Variants in LAMC2 observed in about 807,000 individuals in gnomAD.
The protein encoded by LAMC2 is laminin subunit gamma 2.
A neutral mutation model predicts 140.2 loss-of-function variants in LAMC2; 97 were observed. The observed-to-expected ratio is 0.69, with a 90% confidence interval of 0.59 to 0.82. The LOEUF (loss-of-function observed/expected upper bound fraction) is 0.82, where lower values mean the gene tolerates loss of function less well. Ranked by LOEUF, LAMC2 falls within the 40% of genes least tolerant of loss-of-function variation. The pLI is 0.00. For synonymous variants in LAMC2, 513 were observed against 540.2 expected (o/e 0.95, Z 0.70); for missense variants, 1,402 against 1,476.1 (o/e 0.95, Z 0.82).
intron 1 of LAMC2, among the ~76,000 whole-genome samples, chr1:183,191,024 C>A (rs1296193687): frequency 6.6e-6 from 1 of 152,112 alleles, no homozygotes; most frequent in Non-Finnish European, 1.5e-5. Context: ...AGAAATGCAC[C>A]ATTATGAGAA....
At chr1:183,246,729 A>C (rs1660250291), downstream of LAMC2, among the ~76,000 whole-genome samples, 2 of 152,222 alleles carry the variant, frequency 1.3e-5, no homozygotes, top group South Asian at 2.1e-4. Flanking sequence ...AACAAGTCTC[A>C]AGGACCAGGA....
At chr1:183,233,311 G>A (rs1368509834) in intron 14 of LAMC2, among the ~76,000 whole-genome samples, 1 of 152,058 alleles carries the variant, frequency 6.6e-6, no homozygotes, top group African/African-American at 2.4e-5. Flanking sequence ...AAGGGACAGA[G>A]GGAAAGAAGA....
intron 3 of LAMC2, 105 bp downstream of exon 3, chr1:183,215,693 C>T: frequency 7.3e-7 from 1 of 1,366,038 alleles, no homozygotes; most frequent in Admixed American, 1.7e-5. Context: ...GTGCCAAACA[C>T]TGCTTTGAGA....
chr1:183,239,705 T>C, intron 20 of LAMC2, 142 bp downstream of exon 20: 1 of 733,092 alleles, frequency 1.4e-6, no homozygotes, highest in Non-Finnish European at 2.3e-6. Flanking sequence ...ATTAAAAGAC[T>C]ATGGTAGCAA....
intron 1 of LAMC2, among the ~76,000 whole-genome samples, chr1:183,203,485 C>G (rs1024536202): frequency 6.6e-6 from 1 of 151,938 alleles, no homozygotes; most frequent in East Asian, 1.9e-4. Context: ...CCCCCGCCCC[C>G]CCTCACCCCT....
chr1:183,258,132 A>G, the LAMC2 span, among the ~76,000 whole-genome samples: 2 of 152,222 alleles, frequency 1.3e-5, no homozygotes, highest in Non-Finnish European at 2.9e-5. Flanking sequence ...AGAGGCACCA[A>G]CAGGTATAAA....
chr1:183,217,257 G>A (rs774973829), intron 3 of LAMC2, among the ~76,000 whole-genome samples: 4 of 152,124 alleles, frequency 2.6e-5, no homozygotes, highest in African/African-American at 2.4e-5. Context: ...ACATGATTGC[G>A]TGCAAAGTGG....
At chr1:183,226,573 G>A (rs1659631585) in intron 8 of LAMC2, 125 bp from the exon 9 acceptor site, 2 of 829,666 alleles carry the variant, frequency 2.4e-6, no homozygotes, top group African/African-American at 3.3e-5. Flanking sequence ...TCTCTACATG[G>A]CATGATATAT....
chr1:183,255,917 G>T, the LAMC2 span, among the ~76,000 whole-genome samples: 1 of 151,822 alleles, frequency 6.6e-6, no homozygotes, highest in South Asian at 2.1e-4. Context: ...ACCTGCCTCC[G>T]CCTCCCAAAG....
intron 5 of LAMC2, 80 bp from the exon 6 acceptor site, chr1:183,222,009 C>A: frequency 6.3e-7 from 1 of 1,579,022 alleles, no homozygotes; most frequent in South Asian, 1.1e-5. Flanking sequence ...TAGGACTTGT[C>A]GGCAAGCAAA....
chr1:183,225,489 C>T, intron 7 of LAMC2, 119 bp from the exon 8 acceptor site: 1 of 763,280 alleles, frequency 1.3e-6, no homozygotes, highest in Admixed American at 1.8e-5. Flanking sequence ...GTCCTATGCC[C>T]CCTTCTAAGC....
intron 22 of LAMC2, 127 bp from the exon 23 acceptor site, chr1:183,243,020 C>T: frequency 1.0e-6 from 1 of 991,818 alleles, no homozygotes. Flanking sequence ...CTTTAAAATT[C>T]ATGGTATACT....
At chr1:183,256,557 C>A in the LAMC2 span, among the ~76,000 whole-genome samples, 1 of 152,156 alleles carries the variant, frequency 6.6e-6, no homozygotes, top group Non-Finnish European at 1.5e-5. Flanking sequence ...TTGATATGGT[C>A]ATGTGGTTTT....
chr1:183,238,388 T>C lies in LAMC2; in HGVS notation c.2836T>C (p.Tyr946His). 2 of 1,613,926 alleles carry C rather than the reference T, an allele frequency of 1.2e-6. No homozygotes were observed. Among genetic ancestry groups the C allele is most frequent in the Non-Finnish European group, 1.7e-6 (2 of 1,179,774 alleles). The change falls in exon 19 of 23, where the codon TAT becomes CAT. Residue 946 changes from tyrosine to histidine, a missense_variant. Around this residue, in one of 3 missense-constraint regions of LAMC2, gnomAD observed 670 missense variants for 667.2 expected, o/e 1.00. Coordinates refer to ENST00000264144, the MANE Select transcript of LAMC2 (RefSeq NM_005562.3). Reference protein sequence around the residue: ...EALSMGNATFYEVESILKNLR... With the variant: ...EALSMGNATFHEVESILKNLR... ...ACTGAGTATGGGCAATGCCACTTTTTATGAAGTTGAGAGCATCCTTAAAAA... is the reference window on the plus strand; with the variant it reads ...ACTGAGTATGGGCAATGCCACTTTTCATGAAGTTGAGAGCATCCTTAAAAA...
chr1:183,231,219 G>T, intron 12 of LAMC2, 116 bp downstream of exon 12: 1 of 1,193,146 alleles, frequency 8.4e-7, no homozygotes. Context: ...TGGGAGTAGT[G>T]ATTACTATTT....
intron 1 of LAMC2, among the ~76,000 whole-genome samples, chr1:183,202,862 C>A (rs1658761264): frequency 6.6e-6 from 1 of 152,208 alleles, no homozygotes; most frequent in African/African-American, 2.4e-5. Context: ...CTACTGTATG[C>A]ATCCCATTGC....
chr1:183,209,568 C>A (rs1184323389), intron 2 of LAMC2, among the ~76,000 whole-genome samples: 1 of 152,152 alleles, frequency 6.6e-6, no homozygotes, highest in Non-Finnish European at 1.5e-5. Context: ...AATCAAAGAA[C>A]TTCATAAAAA....
intron 2 of LAMC2, among the ~76,000 whole-genome samples, chr1:183,208,985 T>C (rs1364332616): frequency 2.2e-5 from 3 of 134,600 alleles, no homozygotes; most frequent in Non-Finnish European, 4.7e-5. Flanking sequence ...GGCTAGTTGT[T>C]TTTTTTTTTT....
At chr1:183,255,563 T>A in the LAMC2 span, among the ~76,000 whole-genome samples, 1 of 152,208 alleles carries the variant, frequency 6.6e-6, no homozygotes, top group Non-Finnish European at 1.5e-5. Context: ...ATGAAATACT[T>A]TTCATTTATT....
Sources: allele counts gnomAD v4.1 joint callset (sites outside exome capture counted in the v4.1 genomes callset), GRCh38; gene constraint gnomAD v4.1.1; regional missense constraint gnomAD v4.1.1; transcripts MANE v1.5; gene names NCBI Gene and HGNC (gene_info 2026-07-23, HGNC 2026-07-21).